Variants in TMC1 observed in about 807,000 individuals in gnomAD.
TMC1 encodes the protein transmembrane channel like 1, also known as transmembrane channel-like protein 1.
TMC1 carries 84 observed loss-of-function variants against 105.8 expected under a neutral mutation model. That is an observed-to-expected ratio of 0.79 (90% CI 0.67 to 0.95). The LOEUF (loss-of-function observed/expected upper bound fraction) is 0.95. TMC1 is among the 40% of genes least tolerant of loss of function. TMC1 has a pLI of 0.00. For missense variants in TMC1, 817 were observed against 914.1 expected (o/e 0.89, Z 1.37); for synonymous variants, 315 against 311.5 (o/e 1.01, Z -0.12).
In TMC1 at chr9:72,717,395, A is replaced by T. The variant is rs148049327; in HGVS notation, c.362+16752A>T. 1.7e-3 allele frequency among the ~76,000 whole-genome samples: 266 copies of T among 152,116 alleles called. 1 individual carries two copies. Among genetic ancestry groups the T allele is most frequent in the African/African-American group, 5.3e-3 (218 of 41,474 alleles). ...ACTTATTTATTGTATTTTTGTTTTAATGGGTCTTGTGAGACTCATGATTTA... is the reference window on the plus strand; with the variant it reads ...ACTTATTTATTGTATTTTTGTTTTATTGGGTCTTGTGAGACTCATGATTTA... On this transcript the variant is annotated intron_variant, in intron 8 of 23. Transcript: ENST00000297784.
chr9:72,683,458 T>G (rs937192627), intron 5 of TMC1, among the ~76,000 whole-genome samples: 1 of 151,598 alleles, frequency 6.6e-6, no homozygotes, highest in Admixed American at 6.6e-5. Flanking sequence ...ATACCTAGAG[T>G]TTTCAGAGTA....
At chr9:72,806,181 C>T (rs1219477410) in intron 18 of TMC1, among the ~76,000 whole-genome samples, 4 of 148,724 alleles carry the variant, frequency 2.7e-5, no homozygotes, top group South Asian at 4.2e-4. Context: ...GGGCTGACCC[C>T]CCACCTCCCC....
intron 3 of TMC1, among the ~76,000 whole-genome samples, chr9:72,618,981 G>C (rs1170457862): frequency 6.6e-6 from 1 of 152,130 alleles, no homozygotes; most frequent in Non-Finnish European, 1.5e-5. Context: ...AACAGCCCTA[G>C]TGCCCAGATG....
chr9:72,619,464 T>G (rs988264310), intron 3 of TMC1, among the ~76,000 whole-genome samples: 1 of 151,998 alleles, frequency 6.6e-6, no homozygotes, highest in Non-Finnish European at 1.5e-5. Context: ...CAGTTTATTT[T>G]AAATGATCTA....
chr9:72,761,377 T>A (rs1267235094), intron 12 of TMC1, among the ~76,000 whole-genome samples: 1 of 152,164 alleles, frequency 6.6e-6, no homozygotes, highest in Non-Finnish European at 1.5e-5. Flanking sequence ...TGAGATCATA[T>A]GGGTAAAGGT....
intron 2 of TMC1, among the ~76,000 whole-genome samples, chr9:72,599,578 C>T (rs912779961): frequency 1.3e-5 from 2 of 152,024 alleles, no homozygotes; most frequent in Non-Finnish European, 2.9e-5. Context: ...CTCTATCTCC[C>T]TTTTTTTGTT....
At position 72,786,700 on chromosome 9, in the gene TMC1, C is replaced by T. The variant is rs377436416; in HGVS notation, c.885-1639C>T. ...GCCATATCTCAATAAAAATGTGTTG[C>T]AAGCAGGTTTGCCTTGGGCATCTTT... On this transcript the variant is annotated intron_variant, in intron 13 of 23. Coordinates refer to ENST00000297784, the MANE Select transcript of TMC1 (RefSeq NM_138691.3). Among the ~76,000 whole-genome samples the T allele has an allele frequency of 4.6e-5, 7 of 152,174 alleles. No homozygotes were observed. In the East Asian group the frequency reaches 1.4e-3, roughly 29 times the overall value.
intron 2 of TMC1, among the ~76,000 whole-genome samples, chr9:72,606,687 C>T (rs1462589075): frequency 6.6e-6 from 1 of 151,936 alleles, no homozygotes; most frequent in Non-Finnish European, 1.5e-5. Context: ...TTTTGTCAAA[C>T]ACATTTATAA....
chr9:72,820,895 A>C lies in TMC1; in HGVS notation c.1817A>C (p.His606Pro). ...SLPGINILRLHTSMYFQCWAV... is the reference protein window; with the variant it reads ...SLPGINILRLPTSMYFQCWAV... ...CCAGGCATCAATATCCTTCGACTCCATACATCCATGTACTTCCAGTGCTGG... is the reference window on the plus strand; with the variant it reads ...CCAGGCATCAATATCCTTCGACTCCCTACATCCATGTACTTCCAGTGCTGG... Residue 606 changes from histidine (H) to proline (P), a missense_variant, in exon 20 of 24, where the codon CAT becomes CCT. Transcript: ENST00000297784. 1 of 1,614,186 alleles carries C rather than the reference A, an allele frequency of 6.2e-7. No homozygotes were observed. The highest frequency in any genetic ancestry group is 8.5e-7 in the Non-Finnish European group (1 of 1,180,010).
chr9:72,776,625 C>T (rs1050112586), intron 13 of TMC1, among the ~76,000 whole-genome samples: 1 of 152,190 alleles, frequency 6.6e-6, no homozygotes, highest in African/African-American at 2.4e-5. Flanking sequence ...CCTCTCTGTA[C>T]TGTGCTTCTC....
chr9:72,641,488 A>C (rs1442832365), intron 4 of TMC1, among the ~76,000 whole-genome samples: 2 of 152,238 alleles, frequency 1.3e-5, no homozygotes, highest in Non-Finnish European at 2.9e-5. Flanking sequence ...TAATGGGTCT[A>C]CAAACTCCTG....
Position 72,593,020 on chromosome 9 carries a change from CA to C in TMC1, c.-306+14998del, listed in dbSNP as rs551538127. ...CAGTATTGCTCTGGGAGAAAAGAATCATTTTTTTTAAGGTTAAAAATGTGAG... is the reference window on the plus strand; with the variant it reads ...CAGTATTGCTCTGGGAGAAAAGAATCTTTTTTTTAAGGTTAAAAATGTGAG... On this transcript the variant is annotated intron_variant, in intron 2 of 23. Coordinates refer to ENST00000297784, the MANE Select transcript of TMC1 (RefSeq NM_138691.3). 1.7e-3 allele frequency among the ~76,000 whole-genome samples: 253 copies of C among 151,604 alleles called. 1 individual carries two copies. The highest frequency in any genetic ancestry group is 6.0e-3 in the African/African-American group (245 of 40,942).
At chr9:72,804,062 A>G (rs549711668) in intron 17 of TMC1, among the ~76,000 whole-genome samples, 23 of 152,348 alleles carry the variant, frequency 1.5e-4, no homozygotes, top group Non-Finnish European at 2.6e-4. Flanking sequence ...ATAAAAAGGA[A>G]TGAGATCATG....
intron 5 of TMC1, among the ~76,000 whole-genome samples, chr9:72,669,507 TA>T (rs1260765754): frequency 2.0e-5 from 3 of 152,244 alleles, no homozygotes; most frequent in Non-Finnish European, 4.4e-5. Flanking sequence ...ATTTTAATGA[TA>T]TTTTTGTATG....
chr9:72,618,887 G>T (rs1825191787), intron 3 of TMC1, among the ~76,000 whole-genome samples: 1 of 152,104 alleles, frequency 6.6e-6, no homozygotes, highest in South Asian at 2.1e-4. Context: ...AACTCATAAT[G>T]TGTTTTCTTT....
At chr9:72,549,504 G>A (rs1024281177) in intron 1 of TMC1, among the ~76,000 whole-genome samples, 5 of 151,388 alleles carry the variant, frequency 3.3e-5, no homozygotes, top group Admixed American at 1.3e-4. Flanking sequence ...GTGCATTGGC[G>A]CGATCTCCAC....
chr9:72,766,242 C>T (rs1337868806), intron 12 of TMC1, among the ~76,000 whole-genome samples: 3 of 151,576 alleles, frequency 2.0e-5, no homozygotes, highest in African/African-American at 7.3e-5. Flanking sequence ...ATGGTGAAAC[C>T]CCGTCTCTAC....
At chr9:72,595,662 G>T (rs1163226726) in intron 2 of TMC1, among the ~76,000 whole-genome samples, 1 of 145,250 alleles carries the variant, frequency 6.9e-6, no homozygotes, top group Admixed American at 7.0e-5. Context: ...GTGGTAACAA[G>T]CAACTCTCAA....
intron 1 of TMC1, among the ~76,000 whole-genome samples, chr9:72,528,276 C>T (rs979186252): frequency 6.6e-6 from 1 of 152,148 alleles, no homozygotes; most frequent in African/African-American, 2.4e-5. Flanking sequence ...TCTTGAACTT[C>T]CTATCCTCCA....
Sources: gnomAD v4.1 joint callset for allele counts (sites outside exome capture counted in the v4.1 genomes callset) on GRCh38, gnomAD v4.1.1 for gene constraint, MANE v1.5 for transcripts, NCBI Gene and HGNC (gene_info 2026-07-23, HGNC 2026-07-21) for gene names.